MARS1: variants seen among roughly 807,000 people sequenced by gnomAD.
MARS1 encodes methionine--tRNA ligase, cytoplasmic.
Under a neutral mutation model 119.5 loss-of-function variants are expected in MARS1, and 80 were observed. The observed-to-expected ratio is 0.67, with a 90% CI of 0.56 to 0.81. The LOEUF is 0.81. Ranked by LOEUF, MARS1 falls within the 30% of genes least tolerant of loss-of-function variation. The pLI, the probability that MARS1 is intolerant of heterozygous loss-of-function variation, is 0.00. For missense variants in MARS1, 945 were observed against 1,116.5 expected (o/e 0.85, Z 2.19); for synonymous variants, 418 against 433.4 (o/e 0.96, Z 0.44).
intron 18 of MARS1, 140 bp from the exon 19 acceptor site, chr12:57,515,780 A>G: frequency 1.4e-6 from 1 of 693,696 alleles, no homozygotes; most frequent in Non-Finnish European, 2.5e-6. Flanking sequence ...CTAATTTCCT[A>G]AAATCAGCAG....
rs746422516 is a variant in MARS1, at chr12:57,511,783, G to A, written c.1454G>A (p.Trp485Ter). Residue 485 changes from tryptophan (W) to a stop codon, truncating the protein, a stop_gained, in exon 12 of 21, where the codon TGG becomes TAG. Transcript: ENST00000262027. LOFTEE classifies it high-confidence loss of function. ...TPNAQFITRSWLRDGLKPRCI... is the reference protein window; with the variant it reads ...TPNAQFITRS ...AATGCCCAGTTTATCACCCGTTCTT[G>A]GCTTCGGGATGGCCTCAAGCCACGC... is the stretch of plus-strand genomic sequence containing the variant. 9.3e-6 allele frequency: 15 copies of A among 1,614,034 alleles called. No individual in the cohort carries two copies. The highest frequency in any genetic ancestry group is 5.3e-5 in the African/African-American group (4 of 74,902).
chr12:57,489,871 T>C, intron 4 of MARS1, 25 bp from the exon 5 acceptor site: 6 of 1,600,864 alleles, frequency 3.7e-6, no homozygotes, highest in Non-Finnish European at 4.3e-6. Context: ...TTTGTGTACA[T>C]TTTCCTTTTC....
At chr12:57,516,185 T>C in intron 19 of MARS1, 60 bp from the exon 20 acceptor site, 1 of 1,503,492 alleles carries the variant, frequency 6.7e-7, no homozygotes, top group South Asian at 1.1e-5. Flanking sequence ...TGAGATGCTG[T>C]ATAAAACTGG....
chr12:57,507,720 T>A (rs1412738342), intron 11 of MARS1, among the ~76,000 whole-genome samples: 1 of 79,590 alleles, frequency 1.3e-5, no homozygotes, highest in African/African-American at 5.0e-5. Flanking sequence ...GCCCCCCACC[T>A]CCCTCCCGGA....
intron 11 of MARS1, among the ~76,000 whole-genome samples, chr12:57,507,484 ACCC>A (rs1204870664): frequency 2.3e-4 from 4 of 17,724 alleles, no homozygotes; most frequent in Non-Finnish European, 4.6e-4. Flanking sequence ...CGGGGGGCTG[ACCC>A]CCCCCCCACC....
intron 10 of MARS1, among the ~76,000 whole-genome samples, chr12:57,501,308 G>A (rs1283801799): frequency 6.6e-6 from 1 of 152,254 alleles, no homozygotes; most frequent in Admixed American, 6.5e-5. Context: ...GGCCTGTGAA[G>A]CCATTGTGGG....
chr12:57,489,740 T>G, intron 4 of MARS1, 156 bp from the exon 5 acceptor site: 1 of 1,055,770 alleles, frequency 9.5e-7, no homozygotes, highest in Admixed American at 2.0e-5. Context: ...TATTAGTACC[T>G]ATCTCAGTGA....
chr12:57,489,487 G>A lies in MARS1; in HGVS notation c.343G>A (p.Gly115Ser), dbSNP rs2139997870. ...AGGCAAGAAGGGGGAAGATGTTCTT[G>A]GTTCAGTGCGGAGAGCCCTGACTCA... The part of the protein sequence containing the change: ...VQGKKGEDVL[G>S]SVRRALTHID... The change falls in exon 4 of 21, where the codon GGT (glycine) becomes AGT (serine). Residue 115 changes from glycine (G) to serine (S), a missense_variant. By Grantham distance (56) the Gly-to-Ser change is moderately conservative. Transcript: ENST00000262027. 1.9e-6 allele frequency: 3 copies of A among 1,614,176 alleles called. No individual in the cohort carries two copies. Among genetic ancestry groups the A allele is most frequent in the Non-Finnish European group, 2.5e-6 (3 of 1,180,036 alleles).
At chr12:57,490,728 G>T in intron 7 of MARS1, 84 bp downstream of exon 7, 2 of 996,642 alleles carry the variant, frequency 2.0e-6, no homozygotes, top group African/African-American at 1.7e-5. Flanking sequence ...GCTAGGTCCC[G>T]TTTGCTGATC....
intron 9 of MARS1, among the ~76,000 whole-genome samples, chr12:57,499,317 T>G (rs1594820187): frequency 8.7e-6 from 1 of 114,346 alleles, no homozygotes. Flanking sequence ...AGGCTGGGGC[T>G]GGGCGCGGTG....
rs773881290 is a variant in MARS1, at chr12:57,514,981, C to T, written c.2127C>T (p.Leu709=). ...VRIRDALRSI[L]TISRHGNQYI... The stretch of plus-strand genomic sequence containing the variant: ...TCCGGGATGCCTTGCGCAGTATCCT[C>T]ACCATATCTCGACATGGCAACCAAT... The change falls in exon 17 of 21, where the codon CTC becomes CTT. Residue 709 remains leucine (L), a synonymous_variant. Transcript: ENST00000262027. The T allele has an allele frequency of 1.3e-5, 21 of 1,614,184 alleles. No homozygotes were observed. The highest frequency in any genetic ancestry group is 1.8e-5 in the Non-Finnish European group (21 of 1,180,032).
Position 57,498,439 on chromosome 12 carries a change from TG to T in MARS1, c.909del (p.Trp303Ter), listed in dbSNP as rs761030721. On this transcript the variant is annotated frameshift_variant, in exon 9 of 21. Transcript: ENST00000262027. LOFTEE classifies it high-confidence loss of function. ...VFARYSRLRQ[W>X]NTLYLCGTDE... Reference sequence around the variant, plus strand: ...TTGCAGGTACTCTCGCCTCCGCCAGTGGAACACCCTCTATCTGTGTGGGACA... The same window carrying T: ...TTGCAGGTACTCTCGCCTCCGCCAGTGAACACCCTCTATCTGTGTGGGACA... The T allele has an allele frequency of 6.2e-7, 1 of 1,613,920 alleles. No homozygotes were observed. Among genetic ancestry groups the T allele is most frequent in the East Asian group, 2.2e-5 (1 of 44,884 alleles).
At position 57,488,911 on chromosome 12, in the gene MARS1, C is replaced by T. The variant is rs1875690885; in HGVS notation, c.110-108C>T. On this transcript the variant is annotated intron_variant, in intron 1 of 20. Coordinates refer to ENST00000262027, the MANE Select transcript of MARS1 (RefSeq NM_004990.4). ...CTGGAACTTCTGGGTTGAGACTGCCCATCTTTCTTTTTTTACTCACTGAAC... is the reference window on the plus strand; with the variant it reads ...CTGGAACTTCTGGGTTGAGACTGCCTATCTTTCTTTTTTTACTCACTGAAC... The T allele has an allele frequency of 6.5e-6, 6 of 926,192 alleles. No homozygotes were observed. In the East Asian group the frequency reaches 1.5e-4, roughly 23 times the overall value. The allele number at this position is 926,192 out of a possible 1,614,324, so 57.4% of individuals were successfully genotyped here.
At chr12:57,516,111 T>TA (rs1266224782) in intron 19 of MARS1, 120 bp downstream of exon 19, 22 of 1,377,608 alleles carry the variant, frequency 1.6e-5, no homozygotes, top group Non-Finnish European at 2.2e-5. Context: ...CTTCCTCACT[T>TA]ACAGTTTTTC....
At chr12:57,492,115 C>A (rs1417503885) in intron 7 of MARS1, among the ~76,000 whole-genome samples, 2 of 149,880 alleles carry the variant, frequency 1.3e-5, no homozygotes, top group Admixed American at 6.7e-5. Flanking sequence ...CCTGCCTCTA[C>A]TAAAAATACA....
At chr12:57,496,399 G>A (rs1252757694) in intron 7 of MARS1, among the ~76,000 whole-genome samples, 2 of 148,598 alleles carry the variant, frequency 1.3e-5, no homozygotes, top group African/African-American at 2.5e-5. Context: ...CTCCGACCTC[G>A]TGATCCGCCT....
intron 11 of MARS1, among the ~76,000 whole-genome samples, chr12:57,508,214 C>T (rs541690466): frequency 7.2e-4 from 109 of 152,218 alleles, no homozygotes; most frequent in Admixed American, 2.1e-3. Flanking sequence ...ACATCCCAGA[C>T]GATGGGTGGC....
At chr12:57,491,531 C>T (rs1875960077) in intron 7 of MARS1, among the ~76,000 whole-genome samples, 1 of 152,216 alleles carries the variant, frequency 6.6e-6, no homozygotes, top group African/African-American at 2.4e-5. Flanking sequence ...CTTCTCCTCT[C>T]TGTTGTCACT....
intron 14 of MARS1, 154 bp downstream of exon 14, chr12:57,512,507 C>G: frequency 2.9e-6 from 2 of 680,438 alleles, no homozygotes; most frequent in Non-Finnish European, 5.1e-6. Flanking sequence ...GAGAAACGAA[C>G]AAGAACCTGA....
Sources: gnomAD v4.1 joint callset for allele counts (sites outside exome capture counted in the v4.1 genomes callset) on GRCh38, gnomAD v4.1.1 for gene constraint, MANE v1.5 for transcripts, NCBI Gene and HGNC (gene_info 2026-07-23, HGNC 2026-07-21) for gene names.